Variants in ASAH1 observed in about 807,000 individuals in gnomAD.
ASAH1 encodes the protein N-acylsphingosine amidohydrolase 1, also known as acid ceramidase.
In ASAH1, 70 loss-of-function variants were observed where a neutral mutation model predicts 59.5. The ratio of observed to expected loss-of-function variants is 1.18; its 90% CI spans 0.97 to 1.43. ASAH1 has a LOEUF of 1.43. Among genes scored for constraint, ASAH1 ranks in the 40% most tolerant of loss-of-function variants. ASAH1 has a pLI of 0.00. For synonymous variants in ASAH1, 213 were observed against 166.5 expected (o/e 1.28, Z -2.15); for missense variants, 660 against 482.5 (o/e 1.37, Z -3.45).
intron 9 of ASAH1, 44 bp from the exon 10 acceptor site, chr8:18,061,502 C>T: frequency 1.9e-6 from 3 of 1,541,152 alleles, no homozygotes. Flanking sequence ...AGAGGTGACA[C>T]TATGTAACCA....
intron 1 of ASAH1, among the ~76,000 whole-genome samples, chr8:18,080,656 C>T (rs1174180997): frequency 6.6e-6 from 1 of 152,194 alleles, no homozygotes; most frequent in Non-Finnish European, 1.5e-5. Flanking sequence ...CTCCCAGGTT[C>T]AAGCAATTCT....
At chr8:18,073,216 G>C (rs940072535) in intron 2 of ASAH1, 2 of 1,525,820 alleles carry the variant, frequency 1.3e-6, no homozygotes, top group African/African-American at 1.4e-5. Context: ...TATTTAACTT[G>C]TGCGCCTCCA....
In ASAH1 at chr8:18,057,710, TG is replaced by T. The variant is rs1198567475; in HGVS notation, c.1099-88del. 4 of 874,168 alleles carry T rather than the reference TG, an allele frequency of 4.6e-6. No homozygotes were observed. The Admixed American group carries it at 6.7e-5, about 15-fold the overall frequency. 54.2% of individuals were successfully genotyped at this position (874,168 alleles called of 1,614,324 possible). A position where few individuals can be genotyped will look rare whatever the true frequency, so the allele number is the denominator to read the frequency against. ...TTAGCATTTCTATACTTGTAGAATT[TG>T]CTTTAGAAGTTATTTAATATTAAAT... On this transcript the variant is annotated intron_variant, in intron 13 of 13. Transcript: ENST00000637790.
At position 18,058,861 on chromosome 8, in the gene ASAH1, G is replaced by A. The variant is rs745659071; in HGVS notation, c.1072C>T (p.Leu358=). ...TTGTTGAGGACAGGTTTTGTTGACA[G>A]GACATCATACATGGTTTCAAATGAG... ...NISFETMYDV[L]STKPVLNKLT... is the part of the protein sequence containing the mutation. The change falls in exon 13 of 14, where the codon CTG becomes TTG. Residue 358 remains leucine (L), a synonymous_variant. Coordinates refer to ENST00000637790, the MANE Select transcript of ASAH1 (RefSeq NM_177924.5). 3 of 1,612,566 alleles carry A rather than the reference G, an allele frequency of 1.9e-6. No homozygotes were observed. In the South Asian group the frequency reaches 3.3e-5, roughly 18 times the overall value.
At position 18,071,327 on chromosome 8, in the gene ASAH1, A is replaced by G; in HGVS notation, c.189T>C (p.His63=). 2 of 1,603,026 alleles carry G rather than the reference A, an allele frequency of 1.2e-6. No homozygotes were observed. The highest frequency in any genetic ancestry group is 2.2e-5 in the South Asian group (2 of 89,858). The change falls in exon 3 of 14, where the codon CAT becomes CAC. Residue 63 remains histidine, a synonymous_variant. Transcript: ENST00000637790. ...CTGGTGCCTTGTCAAGCATCAATTC[A>G]TGCCATCTTTTGTAGGGTGGTAAGT... is the stretch of plus-strand genomic sequence containing the variant. The part of the protein sequence containing the change: ...NLDLPPYKRW[H]ELMLDKAPVL...
chr8:18,062,620 C>A (rs751515915), intron 7 of ASAH1, 197 bp from the exon 8 acceptor site: 13 of 607,402 alleles, frequency 2.1e-5, no homozygotes, highest in Non-Finnish European at 3.8e-5. Flanking sequence ...TCAGGTAACT[C>A]TCTCAATATC....
At chr8:18,063,075 G>C (rs1799774798) in intron 7 of ASAH1, 110 bp downstream of exon 7, 1 of 973,946 alleles carries the variant, frequency 1.0e-6, no homozygotes, top group Non-Finnish European at 1.6e-6. Flanking sequence ...TCACCATCTT[G>C]GCCAGGCTGG....
At chr8:18,082,612 T>G (rs1220448800) in intron 1 of ASAH1, 2 of 152,206 alleles carry the variant, frequency 1.3e-5, no homozygotes, top group African/African-American at 4.8e-5. Flanking sequence ...TTGCCCCACC[T>G]TCTAACAGCA....
intron 13 of ASAH1, 134 bp downstream of exon 13, chr8:18,058,701 T>A: frequency 1.3e-6 from 1 of 794,642 alleles, no homozygotes; most frequent in Non-Finnish European, 2.1e-6. Context: ...CACAAAAACA[T>A]TTTTTAATAA....
At chr8:18,075,922 C>T (rs1588999864) in intron 1 of ASAH1, 1 of 375,608 alleles carries the variant, frequency 2.7e-6, no homozygotes, top group South Asian at 2.3e-5. Context: ...AAGTAAATGA[C>T]CTGATAGGAT....
chr8:18,063,395 C>T (rs1026268148), intron 6 of ASAH1, 165 bp from the exon 7 acceptor site: 3 of 678,380 alleles, frequency 4.4e-6, no homozygotes, highest in Non-Finnish European at 7.9e-6. Flanking sequence ...CCTCTGCCTC[C>T]CAGGTTCAAG....
chr8:18,061,331 G>C (rs1799688782), intron 10 of ASAH1, 46 bp downstream of exon 10: 2 of 1,439,440 alleles, frequency 1.4e-6, no homozygotes, highest in Admixed American at 1.7e-5. Context: ...TTTAATATGA[G>C]TAATTTAAAA....
At chr8:18,061,616 A>C in intron 9 of ASAH1, 70 bp downstream of exon 9, 1 of 1,522,812 alleles carries the variant, frequency 6.6e-7, no homozygotes, top group Non-Finnish European at 9.0e-7. Flanking sequence ...TTGTAACCAG[A>C]AGGCACAGTC....
At chr8:18,077,039 C>T (rs146540946) in intron 1 of ASAH1, among the ~76,000 whole-genome samples, 1 of 152,284 alleles carries the variant, frequency 6.6e-6, no homozygotes, top group Admixed American at 6.5e-5. Flanking sequence ...GGGGGCAGCT[C>T]GTTTAGAAAA....
Position 18,062,299 on chromosome 8 carries a change from T to C in ASAH1, c.628A>G (p.Met210Val). 1 of 1,614,230 alleles carries C rather than the reference T, an allele frequency of 6.2e-7. No homozygotes were observed. The highest frequency in any genetic ancestry group is 8.5e-7 in the Non-Finnish European group (1 of 1,180,036). The change falls in exon 8 of 14, where the codon ATG (methionine) becomes GTG (valine). Residue 210 changes from methionine (M) to valine (V), a missense_variant. By Grantham distance (21) the Met-to-Val change is conservative. Transcript: ENST00000637790. ...KASSFAGYVG[M>V]LTGFKPGLFS... Reference sequence around the variant, plus strand: ...CTTACTGGTTTGAATCCTGTTAACATGCCCACATAGCCAGCAAAGCTTGAA... The same window carrying C: ...CTTACTGGTTTGAATCCTGTTAACACGCCCACATAGCCAGCAAAGCTTGAA...
chr8:18,070,748 T>C (rs1800136219), intron 3 of ASAH1, among the ~76,000 whole-genome samples: 1 of 152,234 alleles, frequency 6.6e-6, no homozygotes, highest in Non-Finnish European at 1.5e-5. Context: ...TCCTCTGCTG[T>C]CACTTAACGT....
At chr8:18,057,770 A>T (rs566968985) in intron 13 of ASAH1, 147 bp from the exon 14 acceptor site, 62 of 334,090 alleles carry the variant, frequency 1.9e-4, no homozygotes, top group South Asian at 1.8e-3. Flanking sequence ...CATGTTATAT[A>T]ATGTATATAT....
At chr8:18,072,452 G>A (rs1800213345) in intron 2 of ASAH1, among the ~76,000 whole-genome samples, 1 of 152,162 alleles carries the variant, frequency 6.6e-6, no homozygotes, top group African/African-American at 2.4e-5. Flanking sequence ...CCTGGTATAT[G>A]TATGAGGTTT....
chr8:18,065,268 T>C (rs1799882106), intron 5 of ASAH1: 1 of 151,982 alleles, frequency 6.6e-6, no homozygotes, highest in Non-Finnish European at 1.5e-5. Flanking sequence ...CCATAAGGTA[T>C]TTCTATTTGG....
Sources: allele counts gnomAD v4.1 joint callset (sites outside exome capture counted in the v4.1 genomes callset), GRCh38; gene constraint gnomAD v4.1.1; transcripts MANE v1.5; gene names NCBI Gene and HGNC (gene_info 2026-07-23, HGNC 2026-07-21).